Variants in CDH2 observed in about 807,000 individuals in gnomAD.
CDH2 encodes cadherin 2.
CDH2 carries 17 observed loss-of-function variants against 92.0 expected under a neutral mutation model. The ratio of observed to expected loss-of-function variants is 0.18; its 90% CI spans 0.13 to 0.28. The LOEUF is 0.28. Ranked by LOEUF, CDH2 falls within the 10% of genes least tolerant of loss-of-function variation. The pLI is 1.00. For synonymous variants in CDH2, 419 were observed against 415.9 expected (o/e 1.01, Z -0.09); for missense variants, 862 against 1,133.1 (o/e 0.76, Z 3.44).
chr18:27,938,046 C>T (rs767476580), intron 6 of CDH2, among the ~76,000 whole-genome samples: 6 of 152,000 alleles, frequency 3.9e-5, no homozygotes, highest in Non-Finnish European at 7.4e-5. Flanking sequence ...ACATCACCTC[C>T]CTTTTTGCTG....
At chr18:27,933,010 T>G (rs1192052615) in exon 7 of CDH2, among the ~76,000 whole-genome samples, 1 of 152,176 alleles carries the variant, frequency 6.6e-6, no homozygotes, top group East Asian at 1.9e-4. Flanking sequence ...TCTTCTCTGA[T>G]GTAATGTGGT....
chr18:28,078,677 AT>A (rs5823582), intron 2 of CDH2, among the ~76,000 whole-genome samples: 35,426 of 144,018 alleles, frequency 0.25, 4,703 homozygotes, highest in African/African-American at 0.37. Context: ...TTGTACATTG[AT>A]TTTTTTTTTT....
intron 14 of CDH2, among the ~76,000 whole-genome samples, chr18:27,966,200 T>G (rs115066716): frequency 0.014 from 2,059 of 152,208 alleles, 44 homozygotes; most frequent in African/African-American, 0.047. Flanking sequence ...AGTATATTGA[T>G]GACAGTGAAT....
chr18:28,117,948 T>C (rs963040900), intron 2 of CDH2, among the ~76,000 whole-genome samples: 1 of 152,122 alleles, frequency 6.6e-6, no homozygotes, highest in Non-Finnish European at 1.5e-5. Flanking sequence ...TTAAGAGTTT[T>C]CATATATCAG....
downstream of CDH2, among the ~76,000 whole-genome samples, chr18:27,949,234 C>T (rs1050177377): frequency 2.4e-4 from 37 of 152,060 alleles, no homozygotes; most frequent in African/African-American, 8.4e-4. Context: ...AAGTTACTGG[C>T]TTTTAGAAAG....
intron 1 of CDH2, among the ~76,000 whole-genome samples, chr18:28,175,874 C>CA (rs1445977598): frequency 6.6e-6 from 1 of 152,212 alleles, no homozygotes; most frequent in Non-Finnish European, 1.5e-5. Context: ...CGAGGGACCC[C>CA]ACGGCAGGCG....
At chr18:28,174,938 T>TA (rs2016515374) in intron 1 of CDH2, among the ~76,000 whole-genome samples, 2 of 152,202 alleles carry the variant, frequency 1.3e-5, no homozygotes. Context: ...GTAAGATTTG[T>TA]AAAAAATGTA....
At chr18:28,032,790 C>T (rs1181145283) in intron 2 of CDH2, among the ~76,000 whole-genome samples, 6 of 151,870 alleles carry the variant, frequency 4.0e-5, no homozygotes, top group Non-Finnish European at 5.9e-5. Context: ...CTCTTTGGGG[C>T]GTCCTGGGAA....
chr18:28,025,205 G>A (rs1360619900), intron 2 of CDH2, among the ~76,000 whole-genome samples: 1 of 152,082 alleles, frequency 6.6e-6, no homozygotes, highest in Non-Finnish European at 1.5e-5. Flanking sequence ...GTCTACACAA[G>A]TCTTATTCAG....
At chr18:28,002,930 A>T in intron 7 of CDH2, 67 bp downstream of exon 7, 1 of 1,315,524 alleles carries the variant, frequency 7.6e-7, no homozygotes, top group African/African-American at 1.4e-5. Flanking sequence ...GATAAAATGT[A>T]TGTGATATGA....
At chr18:27,989,779 C>A (rs1941182) in intron 10 of CDH2, among the ~76,000 whole-genome samples, 49,824 of 151,946 alleles carry the variant, frequency 0.33, 9,108 homozygotes, top group Non-Finnish European at 0.43. Context: ...CCCTGCGGAA[C>A]CTTTTTGTGA....
chr18:28,036,548 T>A (rs373490122), intron 2 of CDH2: 12 of 1,599,722 alleles, frequency 7.5e-6, no homozygotes, highest in Non-Finnish European at 1.0e-5. Flanking sequence ...AATAAAAACA[T>A]GCCATCAAGT....
At chr18:28,169,866 G>A (rs1349252705) in intron 1 of CDH2, among the ~76,000 whole-genome samples, 1 of 152,208 alleles carries the variant, frequency 6.6e-6, no homozygotes, top group South Asian at 2.1e-4. Flanking sequence ...AATCAAGGCA[G>A]TGGGTACACT....
chr18:28,107,493 T>C (rs999696417), intron 2 of CDH2, among the ~76,000 whole-genome samples: 2 of 152,112 alleles, frequency 1.3e-5, no homozygotes, highest in Non-Finnish European at 2.9e-5. Flanking sequence ...AAAAGTCCAA[T>C]GTAGAAAATA....
chr18:28,000,277 T>A (rs2012725356), intron 7 of CDH2, among the ~76,000 whole-genome samples: 1 of 152,128 alleles, frequency 6.6e-6, no homozygotes, highest in Non-Finnish European at 1.5e-5. Context: ...AATTTTTGTA[T>A]TTTTTGTAGA....
At chr18:28,112,951 A>C (rs1331738892) in intron 2 of CDH2, among the ~76,000 whole-genome samples, 5 of 152,170 alleles carry the variant, frequency 3.3e-5, no homozygotes, top group African/African-American at 1.2e-4. Context: ...TCAAAACAAT[A>C]AGAAAAAATA....
intron 2 of CDH2, among the ~76,000 whole-genome samples, chr18:28,041,781 C>T (rs922071274): frequency 3.9e-5 from 6 of 152,160 alleles, no homozygotes; most frequent in African/African-American, 1.2e-4. Flanking sequence ...AACATTCCTA[C>T]AGTATCAATA....
intron 2 of CDH2, among the ~76,000 whole-genome samples, chr18:28,087,100 C>A (rs1350176059): frequency 6.6e-6 from 1 of 152,162 alleles, no homozygotes; most frequent in Non-Finnish European, 1.5e-5. Context: ...CTTACGACTG[C>A]ATCCTTTTCA....
rs535155814 is a variant in CDH2, at chr18:27,965,661, CAAT to C, written c.2350-2143_2350-2141del. Among the ~76,000 whole-genome samples the C allele has an allele frequency of 2.3e-3, 355 of 152,240 alleles. 1 individual carries two copies. Among genetic ancestry groups the C allele is most frequent in the Non-Finnish European group, 3.7e-3 (255 of 68,028 alleles). ...TACGGAATATCTCAGAAAAGGCCCTCAATGATGCAACAGATGTGAAAGTCCTTG... is the reference window on the plus strand; with the variant it reads ...TACGGAATATCTCAGAAAAGGCCCTCGATGCAACAGATGTGAAAGTCCTTG... On this transcript the variant is annotated intron_variant, in intron 14 of 15. Coordinates refer to ENST00000269141, the MANE Select transcript of CDH2 (RefSeq NM_001792.5).
Sources: allele counts gnomAD v4.1 joint callset (sites outside exome capture counted in the v4.1 genomes callset), GRCh38; gene constraint gnomAD v4.1.1; transcripts MANE v1.5; gene names NCBI Gene and HGNC (gene_info 2026-07-23, HGNC 2026-07-21).